Variants in ADAM12 observed in about 807,000 individuals in gnomAD.
ADAM12 encodes disintegrin and metalloproteinase domain-containing protein 12.
In ADAM12, 70 loss-of-function variants were observed where a neutral mutation model predicts 106.4. That is an observed-to-expected ratio of 0.66 (90% confidence interval 0.54 to 0.80). The LOEUF (loss-of-function observed/expected upper bound fraction) is 0.80, where lower values mean the gene tolerates loss of function less well. Among genes scored for constraint, ADAM12 ranks in the 30% least tolerant of loss-of-function variants. ADAM12 has a pLI of 0.00. For missense variants in ADAM12, 1,010 were observed against 1,171.9 expected (o/e 0.86, Z 2.02); for synonymous variants, 420 against 433.5 (o/e 0.97, Z 0.39).
intron 1 of ADAM12, among the ~76,000 whole-genome samples, chr10:126,387,665 G>GGA (rs376998111): frequency 2.6e-5 from 4 of 152,130 alleles, no homozygotes; most frequent in African/African-American, 9.7e-5. Context: ...GGGCTGGCCC[G>GGA]GAGCCTGGGG....
At chr10:126,305,966 T>C (rs1473613215) in intron 2 of ADAM12, among the ~76,000 whole-genome samples, 1 of 152,056 alleles carries the variant, frequency 6.6e-6, no homozygotes, top group Non-Finnish European at 1.5e-5. Context: ...TCTATATTTA[T>C]ATATACTTCA....
At chr10:126,095,558 A>AAT (rs1955542433) in intron 10 of ADAM12, among the ~76,000 whole-genome samples, 1 of 150,942 alleles carries the variant, frequency 6.6e-6, no homozygotes, top group Non-Finnish European at 1.5e-5. Context: ...AAAAAAAAAA[A>AAT]AGTGATTGGG....
At chr10:126,165,183 T>A (rs1957002357) in intron 3 of ADAM12, among the ~76,000 whole-genome samples, 1 of 152,162 alleles carries the variant, frequency 6.6e-6, no homozygotes, top group African/African-American at 2.4e-5. Context: ...CACTTTTTTT[T>A]TTGAGACTGA....
At chr10:126,221,462 T>G (rs996396742) in intron 3 of ADAM12, among the ~76,000 whole-genome samples, 1 of 151,966 alleles carries the variant, frequency 6.6e-6, no homozygotes, top group Non-Finnish European at 1.5e-5. Flanking sequence ...CTGTTGACAT[T>G]TGGATGTAAC....
At chr10:126,045,527 C>T (rs1301274131) in intron 17 of ADAM12, among the ~76,000 whole-genome samples, 1 of 152,166 alleles carries the variant, frequency 6.6e-6, no homozygotes, top group African/African-American at 2.4e-5. Context: ...TGGAAATAAG[C>T]CCATCAAGAA....
rs547117406 is a variant in ADAM12, at chr10:126,237,772, C to T, written c.260+41143G>A. 7.2e-5 allele frequency among the ~76,000 whole-genome samples: 11 copies of T among 152,304 alleles called. No homozygotes were observed. The East Asian group carries it at 1.9e-3, about 27-fold the overall frequency. ...ATATGATGGCCCAGGTTAAGCACTG[C>T]ACAGCTTCAGAGGCCCCCACTGGAA... On this transcript the variant is annotated intron_variant, in intron 3 of 22. Coordinates refer to ENST00000448723, the MANE Select transcript of ADAM12 (RefSeq NM_001288973.2).
rs138826067 is a variant in ADAM12, at chr10:126,139,194, GC to G, written c.340-3535del. On this transcript the variant is annotated intron_variant, in intron 4 of 22. Transcript: ENST00000448723. ...CTTATATTTTCATAATAAACCGCTT[GC>G]CTATTCATGTACATGGCAGGCCTCT... 1.2e-4 allele frequency among the ~76,000 whole-genome samples: 19 copies of G among 152,198 alleles called. No homozygotes were observed. In the East Asian group the frequency reaches 2.1e-3, roughly 17 times the overall value.
At chr10:126,207,936 C>T (rs1281055258) in intron 3 of ADAM12, among the ~76,000 whole-genome samples, 1 of 152,160 alleles carries the variant, frequency 6.6e-6, no homozygotes, top group East Asian at 1.9e-4. Context: ...GACAGCCAGC[C>T]TTGCAAGGAA....
intron 3 of ADAM12, among the ~76,000 whole-genome samples, chr10:126,190,113 TC>T (rs750756400): frequency 1.7e-4 from 26 of 152,170 alleles, no homozygotes; most frequent in East Asian, 1.5e-3. Flanking sequence ...TGTTGAGACA[TC>T]CCATCTGTCT....
chr10:126,211,273 T>G (rs182333980), intron 3 of ADAM12, among the ~76,000 whole-genome samples: 4 of 152,208 alleles, frequency 2.6e-5, no homozygotes, highest in East Asian at 3.9e-4. Flanking sequence ...TTGCCTGAAG[T>G]GTGTTTGTTC....
intron 5 of ADAM12, among the ~76,000 whole-genome samples, chr10:126,123,635 C>T (rs1419432110): frequency 1.3e-5 from 2 of 152,150 alleles, no homozygotes; most frequent in African/African-American, 2.4e-5. Flanking sequence ...ACCATGGCTG[C>T]AGCTCCCGCC....
chr10:126,281,996 GC>G (rs573244541), intron 2 of ADAM12, among the ~76,000 whole-genome samples: 13 of 152,200 alleles, frequency 8.5e-5, no homozygotes, highest in Non-Finnish European at 1.8e-4. Context: ...AATCTTAGAA[GC>G]CCCCGTATTA....
rs565167461 is a variant in ADAM12 at position 126,375,036 on chromosome 10, G to A, written c.88+13022C>T. On this transcript the variant is annotated intron_variant, in intron 1 of 22. Transcript: ENST00000448723. ...AGACTCCTTAACAACAACAGGAGAC[G>A]CAAGGATACAACAGGTAATATCTGC... Among the ~76,000 whole-genome samples, 8 of 152,214 alleles carry A rather than the reference G, an allele frequency of 5.3e-5. No individual in the cohort carries two copies. The East Asian group carries it at 1.2e-3, about 22-fold the overall frequency.
intron 3 of ADAM12, among the ~76,000 whole-genome samples, chr10:126,173,220 C>T (rs1957151438): frequency 1.3e-5 from 2 of 152,066 alleles, no homozygotes; most frequent in African/African-American, 2.4e-5. Flanking sequence ...CGAACCTGCA[C>T]GTTCTGCACA....
intron 6 of ADAM12, among the ~76,000 whole-genome samples, chr10:126,114,791 C>T (rs938825751): frequency 2.0e-5 from 3 of 152,064 alleles, no homozygotes; most frequent in African/African-American, 7.2e-5. Flanking sequence ...TTAAGAACAA[C>T]TAAGGTAGTA....
chr10:126,082,361 C>CTGT (rs1955236931), intron 11 of ADAM12, among the ~76,000 whole-genome samples: 1 of 50,030 alleles, frequency 2.0e-5, no homozygotes, highest in Non-Finnish European at 3.8e-5. Flanking sequence ...AATCTAATGA[C>CTGT]TGTTTTTTTT....
At chr10:126,023,076 G>T (rs1953799953) in intron 21 of ADAM12, among the ~76,000 whole-genome samples, 1 of 152,168 alleles carries the variant, frequency 6.6e-6, no homozygotes, top group African/African-American at 2.4e-5. Context: ...TCTGCAGGAA[G>T]ACTGGAATTC....
At chr10:126,143,379 C>T (rs111210243) in intron 4 of ADAM12, among the ~76,000 whole-genome samples, 2,547 of 112,920 alleles carry the variant, frequency 0.023, 61 homozygotes, top group African/African-American at 0.07. Flanking sequence ...ATATGCTGTG[C>T]GTGTGTGTAT....
At chr10:126,267,913 AG>A (rs1301399157) in intron 3 of ADAM12, among the ~76,000 whole-genome samples, 1 of 152,220 alleles carries the variant, frequency 6.6e-6, no homozygotes, top group African/African-American at 2.4e-5. Flanking sequence ...ACCTTTTGTT[AG>A]ATAATAAAAA....
Sources: allele counts gnomAD v4.1 joint callset (sites outside exome capture counted in the v4.1 genomes callset), GRCh38; gene constraint gnomAD v4.1.1; transcripts MANE v1.5; gene names NCBI Gene and HGNC (gene_info 2026-07-23, HGNC 2026-07-21).